Variants in DNAJC13 observed in about 807,000 individuals in gnomAD.
DNAJC13 encodes the protein DnaJ heat shock protein family (Hsp40) member C13, also known as dnaJ homolog subfamily C member 13.
A neutral mutation model predicts 290.5 loss-of-function variants in DNAJC13; 75 were observed. That is an observed-to-expected ratio of 0.26 (90% confidence interval 0.21 to 0.31). The LOEUF is 0.31. Ranked by LOEUF, DNAJC13 falls within the 10% of genes least tolerant of loss-of-function variation. DNAJC13 has a pLI of 1.00. For missense variants in DNAJC13, 2,260 were observed against 2,674.5 expected (o/e 0.85, Z 3.42); for synonymous variants, 862 against 892.0 (o/e 0.97, Z 0.60).
At chr3:132,515,378 A>G (rs1282412041) in intron 46 of DNAJC13, among the ~76,000 whole-genome samples, 2 of 152,122 alleles carry the variant, frequency 1.3e-5, no homozygotes, top group Non-Finnish European at 2.9e-5. Context: ...TTCATCTTAT[A>G]TACCAGTGGC....
intron 42 of DNAJC13, among the ~76,000 whole-genome samples, chr3:132,506,195 G>A (rs924078078): frequency 3.3e-5 from 5 of 151,162 alleles, no homozygotes; most frequent in Non-Finnish European, 7.4e-5. Flanking sequence ...TGGGATTACA[G>A]GCATGCACCA....
chr3:132,481,062 C>T (rs1295499425), intron 26 of DNAJC13, among the ~76,000 whole-genome samples: 1 of 152,138 alleles, frequency 6.6e-6, no homozygotes, highest in African/African-American at 2.4e-5. Flanking sequence ...TTGAATCCCC[C>T]AACAGCCCTT....
At position 132,441,509 on chromosome 3, in the gene DNAJC13, CGTAGAT is replaced by C. The variant is rs199742681; in HGVS notation, c.69-4965_69-4960del. Among the ~76,000 whole-genome samples, 3 of 152,204 alleles carry C rather than the reference CGTAGAT, an allele frequency of 2.0e-5. No individual in the cohort carries two copies. In the East Asian group the frequency reaches 5.8e-4, roughly 29 times the overall value. On this transcript the variant is annotated intron_variant, in intron 2 of 55. Transcript: ENST00000260818. ...GTTTGGCTTCTTTGAAGCCTGTTGG[CGTAGAT>C]TCTCCACTGAAGGGATTGAGGATCT...
In DNAJC13 at chr3:132,447,281, G is replaced by A. The variant is rs776117703; in HGVS notation, c.145-40G>A. 1.0e-5 allele frequency: 15 copies of A among 1,452,556 alleles called. No homozygotes were observed. The South Asian group carries it at 1.3e-4, about 12-fold the overall frequency. 90.0% of individuals were successfully genotyped at this position (1,452,556 alleles called of 1,614,324 possible). A position where few individuals can be genotyped will look rare whatever the true frequency, so the allele number is the denominator to read the frequency against. On this transcript the variant is annotated intron_variant, in intron 3 of 55. Transcript: ENST00000260818. ...ACAAAAATAAGCATTACATTTTACT[G>A]TATTATAGTAGCACCAGTCAAAATT...
chr3:132,526,573 A>G (rs1936263796), intron 53 of DNAJC13, among the ~76,000 whole-genome samples: 1 of 152,240 alleles, frequency 6.6e-6, no homozygotes, highest in Non-Finnish European at 1.5e-5. Context: ...TTTATGGTGT[A>G]TAAAATTTAC....
intron 1 of DNAJC13, among the ~76,000 whole-genome samples, chr3:132,431,181 AT>A (rs1253000898): frequency 2.0e-5 from 3 of 152,200 alleles, no homozygotes; most frequent in Non-Finnish European, 4.4e-5. Flanking sequence ...TCAAATACTT[AT>A]TTTTGAGCAC....
rs1253126410 is a variant in DNAJC13 at position 132,446,461 on chromosome 3, G to C, written c.69-14G>C. 7 of 1,588,082 alleles carry C rather than the reference G, an allele frequency of 4.4e-6. No homozygotes were observed. The highest frequency in any genetic ancestry group is 1.4e-5 in the African/African-American group (1 of 73,554). On this transcript the variant is annotated splice_polypyrimidine_tract_variant and intron_variant, in intron 2 of 55. Transcript: ENST00000260818. The stretch of plus-strand genomic sequence containing the variant: ...TGTTTAAAACTAAATTTAAGCACTT[G>C]TTTTCCTTTGTAGGTATAAGCGTGT...
intron 51 of DNAJC13, 30 bp downstream of exon 51, chr3:132,523,743 A>G (rs369164626): frequency 3.6e-5 from 58 of 1,599,532 alleles, no homozygotes; most frequent in Non-Finnish European, 2.6e-6. Context: ...AAAACATTTC[A>G]AAGACTTGGC....
intron 20 of DNAJC13, among the ~76,000 whole-genome samples, chr3:132,470,588 C>T (rs9799236): frequency 1.8e-3 from 255 of 139,966 alleles, no homozygotes; most frequent in South Asian, 6.3e-3. Flanking sequence ...CCTCACCTCC[C>T]GGACGGGGCG....
chr3:132,518,056 A>T (rs1314752091), intron 48 of DNAJC13, among the ~76,000 whole-genome samples: 5 of 151,658 alleles, frequency 3.3e-5, no homozygotes, highest in Non-Finnish European at 5.9e-5. Context: ...TTCTTTATTA[A>T]TTTTTTTTAT....
chr3:132,534,941 G>A (rs1312381313), intron 55 of DNAJC13, among the ~76,000 whole-genome samples: 1 of 152,224 alleles, frequency 6.6e-6, no homozygotes, highest in Non-Finnish European at 1.5e-5. Context: ...ATCCCATGAT[G>A]TGGAACTCCA....
chr3:132,447,312 T>C lies in DNAJC13; in HGVS notation c.145-9T>C, dbSNP rs760973758. 6.5e-6 allele frequency: 10 copies of C among 1,546,550 alleles called. No homozygotes were observed. Among genetic ancestry groups the C allele is most frequent in the Non-Finnish European group, 8.6e-6 (10 of 1,156,718 alleles). On this transcript the variant is annotated splice_polypyrimidine_tract_variant and intron_variant, in intron 3 of 55. Transcript: ENST00000260818. ...TAGTAGCACCAGTCAAAATTTTTTT[T>C]TTTTTAAGTGGCCTTATGGAGACAT...
At chr3:132,466,451 A>G in intron 19 of DNAJC13, 57 bp downstream of exon 19, 1 of 1,373,006 alleles carries the variant, frequency 7.3e-7, no homozygotes, top group South Asian at 1.8e-5. Context: ...TGTTATATAT[A>G]TGTCTTTTTT....
In DNAJC13 at chr3:132,475,006, A is replaced by C. The variant is rs754550455; in HGVS notation, c.2366A>C (p.Glu789Ala). Reference sequence around the variant, plus strand: ...CGAGAAGAACTGAAAGATACTCTTGAATCTGAAATGAGAGCATTTAATATT... The same window carrying C: ...CGAGAAGAACTGAAAGATACTCTTGCATCTGAAATGAGAGCATTTAATATT... ...KTREELKDTL[E>A]SEMRAFNIDR... Residue 789 changes from glutamate to alanine, a missense_variant, in exon 22 of 56, where the codon GAA becomes GCA. By Grantham distance (107) the Glu-to-Ala change is moderately radical (BLOSUM62 -1). Around this residue, in one of 3 missense-constraint regions of DNAJC13, gnomAD observed 762 missense variants for 964.1 expected, o/e 0.79. Transcript: ENST00000260818. 1 of 1,612,324 alleles carries C rather than the reference A, an allele frequency of 6.2e-7. No homozygotes were observed. The highest frequency in any genetic ancestry group is 2.2e-5 in the East Asian group (1 of 44,710).
Position 132,473,188 on chromosome 3 carries a change from GAAT to G in DNAJC13, c.2255_2257del (p.Ile752del), listed in dbSNP as rs746833708. 1 of 1,610,522 alleles carries G rather than the reference GAAT, an allele frequency of 6.2e-7. No homozygotes were observed. The highest frequency in any genetic ancestry group is 1.3e-5 in the African/African-American group (1 of 74,726). ...GTGGTTCTTCGAAAGAGAAGACAAA[GAAT>G]AAAAATAGAAGCAAATTGGGATCTC... On this transcript the variant is annotated inframe_deletion, in exon 21 of 56. Transcript: ENST00000260818.
rs755681141 is a variant in DNAJC13 at position 132,482,180 on chromosome 3, T to C, written c.2875-46T>C. Reference sequence around the variant, plus strand: ...ACTTTGTTTTACGACATCTGGTCTTTTAGATTTCTGCCTTGGAAAATAATT... The same window carrying C: ...ACTTTGTTTTACGACATCTGGTCTTCTAGATTTCTGCCTTGGAAAATAATT... On this transcript the variant is annotated intron_variant, in intron 26 of 55. Transcript: ENST00000260818. 4.5e-6 allele frequency: 7 copies of C among 1,540,774 alleles called. No homozygotes were observed. In the East Asian group the frequency reaches 9.4e-5, roughly 21 times the overall value.
At chr3:132,433,550 A>G (rs1406585102) in intron 1 of DNAJC13, among the ~76,000 whole-genome samples, 2 of 152,210 alleles carry the variant, frequency 1.3e-5, no homozygotes, top group Admixed American at 6.5e-5. Context: ...GGCTGGGGTT[A>G]TAGGCATGAG....
intron 14 of DNAJC13, among the ~76,000 whole-genome samples, chr3:132,460,783 C>CT (rs1467906744): frequency 6.6e-6 from 1 of 152,042 alleles, no homozygotes; most frequent in Non-Finnish European, 1.5e-5. Context: ...AAATATTAAC[C>CT]TTTGTTATAC....
intron 1 of DNAJC13, among the ~76,000 whole-genome samples, chr3:132,420,547 C>T (rs1393781593): frequency 6.6e-6 from 1 of 151,926 alleles, no homozygotes; most frequent in Non-Finnish European, 1.5e-5. Flanking sequence ...GACTGTATCC[C>T]CCACCCCCAA....
Sources: gnomAD v4.1 joint callset for allele counts (sites outside exome capture counted in the v4.1 genomes callset) on GRCh38, gnomAD v4.1.1 for gene constraint, gnomAD v4.1.1 regional missense constraint, MANE v1.5 for transcripts, NCBI Gene and HGNC (gene_info 2026-07-23, HGNC 2026-07-21) for gene names.